PPM1L: variants seen among roughly 807,000 people sequenced by gnomAD.
PPM1L encodes protein phosphatase 1L.
A neutral mutation model predicts 31.4 loss-of-function variants in PPM1L; 13 were observed. The ratio of observed to expected loss-of-function variants is 0.41; its 90% CI spans 0.27 to 0.66. The LOEUF (loss-of-function observed/expected upper bound fraction) is 0.66. Ranked by LOEUF, PPM1L falls within the 30% of genes least tolerant of loss-of-function variation. The pLI is 0.29. For synonymous variants in PPM1L, 184 were observed against 175.4 expected, an observed-to-expected ratio of 1.05 and a Z score of -0.39; for missense variants, 326 against 453.7, an observed-to-expected ratio of 0.72 and a Z score of 2.56.
intron 1 of PPM1L, among the ~76,000 whole-genome samples, chr3:160,783,773 A>G (rs1181520136): frequency 1.3e-5 from 2 of 152,122 alleles, no homozygotes; most frequent in African/African-American, 4.8e-5. Context: ...TTCTCTGTTG[A>G]ATCCCAGCTT....
At chr3:160,957,003 C>G (rs1454987379) in intron 1 of PPM1L, among the ~76,000 whole-genome samples, 1 of 152,174 alleles carries the variant, frequency 6.6e-6, no homozygotes, top group Non-Finnish European at 1.5e-5. Flanking sequence ...GCTAAAGTAC[C>G]TATACCTGTA....
chr3:160,949,475 A>C (rs1715508613), intron 1 of PPM1L, among the ~76,000 whole-genome samples: 1 of 152,210 alleles, frequency 6.6e-6, no homozygotes, highest in Non-Finnish European at 1.5e-5. Context: ...GGCAAGTATA[A>C]AATAGTCTGA....
At chr3:160,850,885 G>GGT (rs1560126163) in intron 1 of PPM1L, among the ~76,000 whole-genome samples, 2 of 59,966 alleles carry the variant, frequency 3.3e-5, no homozygotes, top group East Asian at 2.1e-3. Flanking sequence ...TTTTTTTGGT[G>GGT]GGGGGGGGGT....
chr3:160,830,937 A>G (rs537201602), intron 1 of PPM1L, among the ~76,000 whole-genome samples: 22 of 152,178 alleles, frequency 1.4e-4, no homozygotes, highest in Non-Finnish European at 2.2e-4. Context: ...CAGCAAAAAC[A>G]TTTTCTGAAT....
At chr3:160,771,234 A>AT (rs1269037335) in intron 1 of PPM1L, among the ~76,000 whole-genome samples, 1 of 151,850 alleles carries the variant, frequency 6.6e-6, no homozygotes, top group African/African-American at 2.4e-5. Context: ...ATATTTTGAG[A>AT]TTTTCAGGCA....
intron 2 of PPM1L, among the ~76,000 whole-genome samples, chr3:161,027,715 G>A (rs1421985332): frequency 6.6e-6 from 1 of 152,200 alleles, no homozygotes; most frequent in Non-Finnish European, 1.5e-5. Flanking sequence ...CTTGTTACAA[G>A]TGTAGACTTT....
chr3:160,868,099 G>A (rs1427304160), intron 1 of PPM1L, among the ~76,000 whole-genome samples: 3 of 152,186 alleles, frequency 2.0e-5, no homozygotes, highest in Non-Finnish European at 4.4e-5. Context: ...TGGCTTCTAA[G>A]ACTGAAAAAT....
At chr3:160,821,027 G>A (rs1182039906) in intron 1 of PPM1L, among the ~76,000 whole-genome samples, 3 of 152,028 alleles carry the variant, frequency 2.0e-5, no homozygotes, top group Non-Finnish European at 2.9e-5. Context: ...AAGATAGAGA[G>A]CATCCCTGAA....
At chr3:160,878,495 C>T (rs1164855363) in intron 1 of PPM1L, among the ~76,000 whole-genome samples, 1 of 152,144 alleles carries the variant, frequency 6.6e-6, no homozygotes, top group African/African-American at 2.4e-5. Flanking sequence ...CACATGAGAG[C>T]CAGCTCTCTG....
At chr3:160,848,758 T>C (rs1714160683) in intron 1 of PPM1L, among the ~76,000 whole-genome samples, 1 of 152,206 alleles carries the variant, frequency 6.6e-6, no homozygotes, top group Admixed American at 6.5e-5. Flanking sequence ...CACAAATGTT[T>C]TATGTCTAAA....
intron 1 of PPM1L, among the ~76,000 whole-genome samples, chr3:160,889,635 TC>T (rs1287398961): frequency 6.6e-6 from 1 of 152,186 alleles, no homozygotes; most frequent in African/African-American, 2.4e-5. Context: ...GAGGGACTCC[TC>T]CCTAACTCAT....
chr3:160,756,771 G>GTT lies in PPM1L; in HGVS notation c.399+65_399+66insTT. 7.2e-7 allele frequency: 1 copy of GTT among 1,383,800 alleles called. No homozygotes were observed. The highest frequency in any genetic ancestry group is 2.1e-5 in the Admixed American group (1 of 47,890). 85.7% of individuals were successfully genotyped at this position (1,383,800 alleles called of 1,614,324 possible). A position where few individuals can be genotyped will look rare whatever the true frequency, so the allele number is the denominator to read the frequency against. ...ATGTCTCGTGTGTGTGTGTGTGTGT[G>GTT]TGTGTGTGTGTGTGTGTGTATAAAC... On this transcript the variant is annotated intron_variant, in intron 1 of 3. Transcript: ENST00000498165. The surrounding 1 kb of genome is among the most constrained non-coding windows in gnomAD (Gnocchi z 6.2).
intron 1 of PPM1L, among the ~76,000 whole-genome samples, chr3:160,815,784 G>A (rs1712977686): frequency 6.6e-6 from 1 of 152,136 alleles, no homozygotes; most frequent in Non-Finnish European, 1.5e-5. Flanking sequence ...AGAGAAAATA[G>A]ATTTTTGCCA....
At chr3:160,893,258 A>G (rs1192267605) in intron 1 of PPM1L, among the ~76,000 whole-genome samples, 1 of 152,190 alleles carries the variant, frequency 6.6e-6, no homozygotes, top group East Asian at 1.9e-4. Flanking sequence ...TTCTCTGTAT[A>G]GAAGGCAGGG....
chr3:160,756,236 C>A lies in PPM1L; in HGVS notation c.-73C>A. ...CGCCTCCCTCCCGGCGGGCTGTCCC[C>A]GCAGTGCTCCCGGACCCGGCGAGCC... On this transcript the variant is annotated 5_prime_UTR_variant, in exon 1 of 4. Transcript: ENST00000498165. The surrounding 1 kb of genome is among the most constrained non-coding windows in gnomAD (Gnocchi z 6.2). 1 of 1,526,764 alleles carries A rather than the reference C, an allele frequency of 6.5e-7. No individual in the cohort carries two copies. Among genetic ancestry groups the A allele is most frequent in the African/African-American group, 1.4e-5 (1 of 73,220 alleles). The allele number at this position is 1,526,764 out of a possible 1,614,324, so 94.6% of individuals were successfully genotyped here.
chr3:160,878,656 A>ACATT (rs1271480443), intron 1 of PPM1L, among the ~76,000 whole-genome samples: 1 of 152,190 alleles, frequency 6.6e-6, no homozygotes, highest in Non-Finnish European at 1.5e-5. Context: ...GGCGACACAA[A>ACATT]CATTCAGTCC....
At chr3:160,851,130 T>G (rs1711508274) in intron 1 of PPM1L, among the ~76,000 whole-genome samples, 2 of 152,244 alleles carry the variant, frequency 1.3e-5, no homozygotes, top group Admixed American at 1.3e-4. Flanking sequence ...AAATTTCACT[T>G]ACCTTATAGG....
intron 1 of PPM1L, among the ~76,000 whole-genome samples, chr3:160,853,590 A>G (rs1711589280): frequency 6.6e-6 from 1 of 152,290 alleles, no homozygotes; most frequent in Admixed American, 6.5e-5. Flanking sequence ...AAATACTAAA[A>G]TTATTAAATG....
intron 2 of PPM1L, among the ~76,000 whole-genome samples, chr3:161,037,714 G>A (rs1228088169): frequency 6.6e-6 from 1 of 150,674 alleles, no homozygotes; most frequent in South Asian, 2.1e-4. Context: ...TTACGGGCGT[G>A]AGCCACTGTA....
Sources: gnomAD v4.1 joint callset for allele counts (sites outside exome capture counted in the v4.1 genomes callset) on GRCh38, gnomAD v4.1.1 for gene constraint, Gnocchi (gnomAD v3.1) non-coding constraint, MANE v1.5 for transcripts, NCBI Gene and HGNC (gene_info 2026-07-23, HGNC 2026-07-21) for gene names.